The following SIPA1L1 variants were observed in gnomAD, a reference collection of about 807,000 sequenced individuals.
The protein encoded by SIPA1L1 is signal-induced proliferation-associated 1-like protein 1.
SIPA1L1 carries 26 observed loss-of-function variants against 162.7 expected under a neutral mutation model. The ratio of observed to expected loss-of-function variants is 0.16; its 90% CI spans 0.12 to 0.22. SIPA1L1 has a LOEUF of 0.22. SIPA1L1 is among the 10% of genes least tolerant of loss of function. SIPA1L1 has a pLI of 1.00. For missense variants in SIPA1L1, 1,874 were observed against 2,241.0 expected, an observed-to-expected ratio of 0.84 and a Z score of 3.31; for synonymous variants, 829 against 837.4, an observed-to-expected ratio of 0.99 and a Z score of 0.17.
intron 16 of SIPA1L1, among the ~76,000 whole-genome samples, chr14:71,705,555 C>A (rs2082377603): frequency 1.3e-5 from 2 of 152,088 alleles, no homozygotes; most frequent in Admixed American, 6.5e-5. Flanking sequence ...GCTTCTGCCA[C>A]CCCCACAGGT....
intron 4 of SIPA1L1, among the ~76,000 whole-genome samples, chr14:71,565,328 T>C (rs2146773298): frequency 6.6e-6 from 1 of 152,322 alleles, no homozygotes. Context: ...GACCTTGTCT[T>C]ACAGGAGACT....
chr14:71,598,016 CT>C (rs1223326306), intron 5 of SIPA1L1, among the ~76,000 whole-genome samples: 1 of 152,156 alleles, frequency 6.6e-6, no homozygotes, highest in Non-Finnish European at 1.5e-5. Context: ...GCCAATATGT[CT>C]TGTATTCATA....
At chr14:71,625,858 T>A (rs2039927100) in intron 7 of SIPA1L1, among the ~76,000 whole-genome samples, 1 of 152,246 alleles carries the variant, frequency 6.6e-6, no homozygotes, top group African/African-American at 2.4e-5. Flanking sequence ...TATTGCCATT[T>A]TCTTTTGTTT....
At chr14:71,430,558 G>A (rs1029250135) in intron 2 of SIPA1L1, among the ~76,000 whole-genome samples, 1 of 152,200 alleles carries the variant, frequency 6.6e-6, no homozygotes, top group African/African-American at 2.4e-5. Flanking sequence ...TGTCAGTGCA[G>A]TGCCTCATAG....
intron 15 of SIPA1L1, among the ~76,000 whole-genome samples, chr14:71,704,127 A>T (rs2082281719): frequency 6.6e-6 from 1 of 152,228 alleles, no homozygotes; most frequent in Non-Finnish European, 1.5e-5. Flanking sequence ...AATAATTTTT[A>T]AAATAATTTT....
At chr14:71,483,209 A>C (rs1221879465) in intron 2 of SIPA1L1, among the ~76,000 whole-genome samples, 1 of 152,224 alleles carries the variant, frequency 6.6e-6, no homozygotes, top group Non-Finnish European at 1.5e-5. Context: ...TAGTTTACCC[A>C]CACCATGCAG....
intron 7 of SIPA1L1, among the ~76,000 whole-genome samples, chr14:71,629,507 G>T (rs901962475): frequency 1.3e-5 from 2 of 152,112 alleles, no homozygotes; most frequent in African/African-American, 2.4e-5. Context: ...GAAGAAACTG[G>T]AATTATATTG....
At chr14:71,475,358 A>T (rs1371104424) in intron 2 of SIPA1L1, among the ~76,000 whole-genome samples, 1 of 152,194 alleles carries the variant, frequency 6.6e-6, no homozygotes, top group African/African-American at 2.4e-5. Context: ...TTATGTTTGT[A>T]ACTGATTTTT....
At chr14:71,590,042 A>ATT (rs1567261888) in intron 5 of SIPA1L1, among the ~76,000 whole-genome samples, 1 of 61,546 alleles carries the variant, frequency 1.6e-5, no homozygotes, top group East Asian at 3.9e-4. Context: ...AAAAAAAAAA[A>ATT]AAATATATAT....
At chr14:71,380,395 C>G (rs1264380027) in intron 2 of SIPA1L1, among the ~76,000 whole-genome samples, 1 of 152,164 alleles carries the variant, frequency 6.6e-6, no homozygotes, top group Non-Finnish European at 1.5e-5. Flanking sequence ...GACAGCTGCC[C>G]AAATATGGTA....
chr14:71,330,555 G>T, intron 2 of SIPA1L1: 1 of 1,350,370 alleles, frequency 7.4e-7, no homozygotes, highest in Non-Finnish European at 1.1e-6. Flanking sequence ...TGCCTAGCTG[G>T]GAGGCCTTTC....
chr14:71,615,416 C>T (rs577631109), intron 5 of SIPA1L1, among the ~76,000 whole-genome samples: 4 of 152,104 alleles, frequency 2.6e-5, no homozygotes, highest in Admixed American at 6.5e-5. Flanking sequence ...GGTCATCTGG[C>T]AGGGTGAATT....
chr14:71,566,409 G>A (rs983632878), intron 4 of SIPA1L1, among the ~76,000 whole-genome samples: 5 of 152,108 alleles, frequency 3.3e-5, no homozygotes, highest in African/African-American at 1.2e-4. Context: ...AGAGTGTTTG[G>A]CATGAAACTT....
chr14:71,711,621 A>C (rs770729675), intron 17 of SIPA1L1, among the ~76,000 whole-genome samples: 48 of 152,242 alleles, frequency 3.2e-4, no homozygotes, highest in Non-Finnish European at 5.9e-4. Flanking sequence ...TGGGCCCCTG[A>C]AACCAAAGCA....
chr14:71,587,742 A>G lies in SIPA1L1; in HGVS notation c.-131A>G. ...AAATAAAGCATCATTTAACCTTTTA[A>G]ATGAAAAAGATTAAGATCTCATGCA... On this transcript the variant is annotated 5_prime_UTR_variant, in exon 5 of 24. Coordinates refer to ENST00000381232, the MANE Select transcript of SIPA1L1 (RefSeq NM_001386936.1). The G allele has an allele frequency of 2.3e-6, 2 of 861,448 alleles. No individual in the cohort carries two copies. The highest frequency in any genetic ancestry group is 4.8e-5 in the Admixed American group (2 of 41,884). 53.4% of individuals were successfully genotyped at this position (861,448 alleles called of 1,614,324 possible).
intron 13 of SIPA1L1, among the ~76,000 whole-genome samples, chr14:71,695,288 T>C (rs1320682312): frequency 6.6e-6 from 1 of 152,136 alleles, no homozygotes; most frequent in Non-Finnish European, 1.5e-5. Flanking sequence ...GTGTGTTCTA[T>C]GTGTGTGAAC....
intron 4 of SIPA1L1, among the ~76,000 whole-genome samples, chr14:71,531,290 A>G (rs1208361223): frequency 6.6e-6 from 1 of 151,962 alleles, no homozygotes; most frequent in East Asian, 1.9e-4. Flanking sequence ...TATGCCTACA[A>G]AATTTACTTC....
At chr14:71,449,292 A>T (rs1294623604) in intron 2 of SIPA1L1, among the ~76,000 whole-genome samples, 1 of 152,252 alleles carries the variant, frequency 6.6e-6, no homozygotes, top group Admixed American at 6.5e-5. Flanking sequence ...TTATGGTTTT[A>T]GTTCAGCTTT....
intron 6 of SIPA1L1, among the ~76,000 whole-genome samples, chr14:71,622,251 T>A (rs2039526871): frequency 6.6e-6 from 1 of 152,252 alleles, no homozygotes; most frequent in Non-Finnish European, 1.5e-5. Flanking sequence ...AGAAGATATA[T>A]ACCTTTGTAG....
Sources: gnomAD v4.1 joint callset for allele counts (sites outside exome capture counted in the v4.1 genomes callset) on GRCh38, gnomAD v4.1.1 for gene constraint, MANE v1.5 for transcripts, NCBI Gene and HGNC (gene_info 2026-07-23, HGNC 2026-07-21) for gene names.